WWP2: variants seen among roughly 807,000 people sequenced by gnomAD.
WWP2 encodes the protein WW domain containing E3 ubiquitin protein ligase 2, also known as NEDD4-like E3 ubiquitin-protein ligase WWP2.
A neutral mutation model predicts 121.0 loss-of-function variants in WWP2; 57 were observed. The observed-to-expected ratio is 0.47, with a 90% CI of 0.38 to 0.59. The LOEUF (loss-of-function observed/expected upper bound fraction) is 0.59, where lower values mean the gene tolerates loss of function less well. Ranked by LOEUF, WWP2 falls within the 20% of genes least tolerant of loss-of-function variation. The probability of loss-of-function intolerance (pLI) is 0.00; values close to 1 mark genes in which losing one functional copy is unlikely to be tolerated. For missense variants in WWP2, 962 were observed against 1,158.9 expected, an observed-to-expected ratio of 0.83 and a Z score of 2.47; for synonymous variants, 449 against 441.3, an observed-to-expected ratio of 1.02 and a Z score of -0.22.
chr16:69,818,350 G>A (rs896981422), intron 4 of WWP2, among the ~76,000 whole-genome samples: 2 of 152,036 alleles, frequency 1.3e-5, no homozygotes, highest in African/African-American at 2.4e-5. Flanking sequence ...TGGGATTACA[G>A]GCACCTGCCA....
intron 9 of WWP2, among the ~76,000 whole-genome samples, chr16:69,912,166 G>A (rs1207239799): frequency 1.3e-5 from 2 of 152,040 alleles, no homozygotes; most frequent in East Asian, 1.9e-4. Context: ...GCACACACCT[G>A]TAGTCCCAGC....
intron 9 of WWP2, among the ~76,000 whole-genome samples, chr16:69,911,075 C>T (rs775002597): frequency 6.6e-6 from 1 of 152,152 alleles, no homozygotes; most frequent in African/African-American, 2.4e-5. Flanking sequence ...GTCCTGCCTC[C>T]AGGGAAGTAT....
chr16:69,904,149 A>T (rs1364698040), intron 8 of WWP2, among the ~76,000 whole-genome samples: 1 of 152,244 alleles, frequency 6.6e-6, no homozygotes, highest in African/African-American at 2.4e-5. Context: ...ATTCAGATGA[A>T]TAAAGAGGGT....
intron 8 of WWP2, among the ~76,000 whole-genome samples, chr16:69,892,916 G>A (rs1401483510): frequency 6.6e-6 from 1 of 152,156 alleles, no homozygotes; most frequent in Non-Finnish European, 1.5e-5. Context: ...TGTCTTTGGG[G>A]ATAAATTCCC....
At chr16:69,865,348 C>T (rs1349988754) in intron 6 of WWP2, among the ~76,000 whole-genome samples, 1 of 152,212 alleles carries the variant, frequency 6.6e-6, no homozygotes, top group Non-Finnish European at 1.5e-5. Flanking sequence ...CCACACCCAG[C>T]CTCAAATCTT....
intron 19 of WWP2, 198 bp downstream of exon 19, chr16:69,936,650 TC>T: frequency 1.4e-6 from 1 of 705,536 alleles, no homozygotes; most frequent in Non-Finnish European, 2.3e-6. Flanking sequence ...AGTTACCGAC[TC>T]CCAGCTGTGC....
intron 8 of WWP2, among the ~76,000 whole-genome samples, chr16:69,904,038 G>A (rs570148247): frequency 6.6e-6 from 1 of 152,332 alleles, no homozygotes; most frequent in East Asian, 1.9e-4. Context: ...AGGAGCAGAT[G>A]TTATAAAAGA....
At chr16:69,885,595 G>C (rs1186582669) in intron 7 of WWP2, among the ~76,000 whole-genome samples, 2 of 152,332 alleles carry the variant, frequency 1.3e-5, no homozygotes, top group East Asian at 3.9e-4. Context: ...TGGTTGCTAA[G>C]AGTTATTATA....
Position 69,925,354 on chromosome 16 carries a change from T to C in WWP2, c.1180-76T>C, listed in dbSNP as rs1218516083. ...TGGAAGCCAGTCATTGGCATTTTTATTTTTTATTGATTGATTGATTTTTTC... is the reference window on the plus strand; with the variant it reads ...TGGAAGCCAGTCATTGGCATTTTTACTTTTTATTGATTGATTGATTTTTTC... On this transcript the variant is annotated intron_variant, in intron 10 of 23. Coordinates refer to ENST00000359154, the MANE Select transcript of WWP2 (RefSeq NM_001270454.2). This position sits in a 1 kb window ranked among gnomAD's most constrained non-coding sequence, Gnocchi z 4.0. The C allele has an allele frequency of 5.7e-6, 9 of 1,585,876 alleles. No individual in the cohort carries two copies. The African/African-American group carries it at 1.1e-4, about 19-fold the overall frequency.
intron 2 of WWP2, among the ~76,000 whole-genome samples, chr16:69,796,367 A>G (rs1163370770): frequency 1.3e-5 from 2 of 152,196 alleles, no homozygotes; most frequent in African/African-American, 4.8e-5. Context: ...CGAGCATCAT[A>G]GCTTAGCCTA....
chr16:69,939,481 T>C, intron 23 of WWP2, 68 bp downstream of exon 23: 3 of 1,544,384 alleles, frequency 1.9e-6, no homozygotes, highest in Non-Finnish European at 2.7e-6. Context: ...GACAGCCCAG[T>C]GGGTGTAGCA....
chr16:69,823,599 C>T (rs147088835), intron 4 of WWP2, among the ~76,000 whole-genome samples: 9,118 of 151,894 alleles, frequency 0.06, 311 homozygotes, highest in Middle Eastern at 0.11. Flanking sequence ...TCCCAAGTAG[C>T]TGGGATTACA....
Position 69,925,501 on chromosome 16 carries a change from C to T in WWP2, c.1234+17C>T. 6.2e-7 allele frequency: 1 copy of T among 1,613,098 alleles called. No homozygotes were observed. Among genetic ancestry groups the T allele is most frequent in the Non-Finnish European group, 8.5e-7 (1 of 1,179,574 alleles). On this transcript the variant is annotated intron_variant, in intron 11 of 23. Coordinates refer to ENST00000359154, the MANE Select transcript of WWP2 (RefSeq NM_001270454.2). The surrounding 1 kb of genome is among the most constrained non-coding windows in gnomAD (Gnocchi z 4.0). Reference sequence around the variant, plus strand: ...CTGGCTGGGGTAAGTACTGAGTTCTCTTCCTGGCCCTTGGCCTTCCGTCAG... The same window carrying T: ...CTGGCTGGGGTAAGTACTGAGTTCTTTTCCTGGCCCTTGGCCTTCCGTCAG...
chr16:69,894,807 C>T (rs2151945742), intron 8 of WWP2, among the ~76,000 whole-genome samples: 1 of 152,258 alleles, frequency 6.6e-6, no homozygotes, highest in East Asian at 1.9e-4. Context: ...TAGATAAACT[C>T]CAAGTGTGTC....
chr16:69,889,793 A>G (rs1176708421), intron 8 of WWP2, among the ~76,000 whole-genome samples: 1 of 152,112 alleles, frequency 6.6e-6, no homozygotes, highest in East Asian at 1.9e-4. Flanking sequence ...GTTGCTGGTG[A>G]TCTGGTTGAC....
Position 69,931,872 on chromosome 16 carries a change from A to C in WWP2, c.1664A>C (p.Asp555Ala). 6.2e-7 allele frequency: 1 copy of C among 1,613,442 alleles called. No individual in the cohort carries two copies. The highest frequency in any genetic ancestry group is 8.5e-7 in the Non-Finnish European group (1 of 1,179,924). The stretch of plus-strand genomic sequence containing the variant: ...ATCATGCGTGGCGAGGAGGGCCTGG[A>C]CTATGGGGGCATCGCCAGGTGAGCT... ...YIIMRGEEGL[D>A]YGGIAREWFF... is the part of the protein sequence containing the mutation. Residue 555 changes from aspartate (D) to alanine (A), a missense_variant, in exon 16 of 24, where the codon GAC (aspartate) becomes GCC (alanine). By Grantham distance (126) the Asp-to-Ala change is moderately radical. Coordinates refer to ENST00000359154, the MANE Select transcript of WWP2 (RefSeq NM_001270454.2).
At chr16:69,912,916 TACAAAACAAAAAAAAAAAAAAAAAA>T (rs2058404071) in intron 9 of WWP2, among the ~76,000 whole-genome samples, 2 of 836 alleles carry the variant, frequency 2.4e-3, no homozygotes, top group African/African-American at 0.012. Flanking sequence ...AACCAGTCTC[TACAAAACAAAAAAAAAAAAAAAAAA>T]AAAAAAAAAA....
rs370970904 is a variant in WWP2 at position 69,812,457 on chromosome 16, G to A, written c.340+13162G>A. 1.1e-4 allele frequency among the ~76,000 whole-genome samples: 16 copies of A among 146,722 alleles called. No individual in the cohort carries two copies. The South Asian group carries it at 3.0e-3, about 28-fold the overall frequency. ...TAAGATCACAGGCATGAGACACCGC[G>A]CCTGCCCCCAACCCCCCCCCTTTTT... On this transcript the variant is annotated intron_variant, in intron 4 of 23. Coordinates refer to ENST00000359154, the MANE Select transcript of WWP2 (RefSeq NM_001270454.2).
chr16:69,872,978 C>G (rs532804378), intron 7 of WWP2, among the ~76,000 whole-genome samples: 1 of 152,168 alleles, frequency 6.6e-6, no homozygotes, highest in Admixed American at 6.5e-5. Flanking sequence ...GACTGCTGGT[C>G]GTTTGGTAGT....
Sources: allele counts gnomAD v4.1 joint callset (sites outside exome capture counted in the v4.1 genomes callset), GRCh38; gene constraint gnomAD v4.1.1; non-coding constraint Gnocchi (gnomAD v3.1); transcripts MANE v1.5; gene names NCBI Gene and HGNC (gene_info 2026-07-23, HGNC 2026-07-21).